The following POLR3F variants were observed in gnomAD, a reference collection of about 807,000 sequenced individuals.
The protein encoded by POLR3F is DNA-directed RNA polymerase III subunit RPC6.
In POLR3F, 31 loss-of-function variants were observed where a neutral mutation model predicts 43.6. That is an observed-to-expected ratio of 0.71 (90% CI 0.53 to 0.96). POLR3F has a LOEUF of 0.96. POLR3F is among the 40% of genes least tolerant of loss of function. The pLI is 0.00. For synonymous variants in POLR3F, 114 were observed against 132.5 expected (o/e 0.86, Z 0.96); for missense variants, 316 against 391.7 (o/e 0.81, Z 1.63).
At position 18,467,496 on chromosome 20, in the gene POLR3F, A is replaced by G. The variant is rs771352541; in HGVS notation, c.-11A>G. ...GCATCTTTCCCCCCAGGCGTCAGGA[A>G]CTGCGCCCTCATGGCGGAGGTGAAG... On this transcript the variant is annotated 5_prime_UTR_variant, in exon 1 of 9. Coordinates refer to ENST00000377603, the MANE Select transcript of POLR3F (RefSeq NM_006466.4). 2 of 1,614,232 alleles carry G rather than the reference A, an allele frequency of 1.2e-6. No homozygotes were observed. Among genetic ancestry groups the G allele is most frequent in the South Asian group, 2.2e-5 (2 of 91,092 alleles).
At position 18,477,698 on chromosome 20, in the gene POLR3F, G is replaced by A. The variant is rs141436653; in HGVS notation, c.430-2340G>A. On this transcript the variant is annotated intron_variant, in intron 5 of 8. Transcript: ENST00000377603. The stretch of plus-strand genomic sequence containing the variant: ...AGCCAGTCCGAAAAGGCTACATACT[G>A]TATGATTACAACTATATGACATACT... 7.8e-3 allele frequency among the ~76,000 whole-genome samples: 1,191 copies of A among 152,314 alleles called. 25 individuals are homozygous for A. The highest frequency in any genetic ancestry group is 0.024 in the Admixed American group (362 of 15,300).
chr20:18,474,297 C>T (rs2059768875), intron 4 of POLR3F, among the ~76,000 whole-genome samples: 1 of 151,960 alleles, frequency 6.6e-6, no homozygotes, highest in Non-Finnish European at 1.5e-5. Context: ...CTCACAAATA[C>T]AATGTTGTAT....
At chr20:18,472,968 G>T in intron 3 of POLR3F, 59 bp downstream of exon 3, 1 of 797,736 alleles carries the variant, frequency 1.3e-6, no homozygotes, top group South Asian at 1.6e-5. Flanking sequence ...CGTATGTGTT[G>T]GGAATAAAGC....
chr20:18,471,479 T>A (rs1043355068), intron 2 of POLR3F, among the ~76,000 whole-genome samples: 8 of 152,168 alleles, frequency 5.3e-5, no homozygotes, highest in African/African-American at 1.9e-4. Flanking sequence ...TGTTTCCCTT[T>A]TAGAATTAAT....
At chr20:18,482,764 C>T (rs2059817248) in intron 8 of POLR3F, among the ~76,000 whole-genome samples, 1 of 152,204 alleles carries the variant, frequency 6.6e-6, no homozygotes, top group Non-Finnish European at 1.5e-5. Flanking sequence ...TTATACCAAC[C>T]TTTGTCTATA....
chr20:18,471,050 T>C (rs1391969366), intron 2 of POLR3F, among the ~76,000 whole-genome samples: 1 of 152,054 alleles, frequency 6.6e-6, no homozygotes, highest in African/African-American at 2.4e-5. Context: ...TGGCCCCTGA[T>C]CTGTCTTAAA....
chr20:18,480,270 G>C (rs1219782972), intron 6 of POLR3F, 89 bp downstream of exon 6: 2 of 1,378,422 alleles, frequency 1.5e-6, no homozygotes, highest in African/African-American at 2.9e-5. Flanking sequence ...TATTTTATAG[G>C]AATTAAAAAC....
intron 4 of POLR3F, 55 bp from the exon 5 acceptor site, chr20:18,475,020 C>A: frequency 1.3e-6 from 1 of 761,310 alleles, no homozygotes; most frequent in Non-Finnish European, 2.3e-6. Flanking sequence ...AGAGGAATAA[C>A]ATTAAAAATC....
chr20:18,467,585 C>G lies in POLR3F; in HGVS notation c.62+17C>G, dbSNP rs778427143. ...AGAAAACAGGTAAACCAGTGAGGCT[C>G]CGGCTTGGCACTCCATCAGGCGCCC... On this transcript the variant is annotated intron_variant, in intron 1 of 8. Coordinates refer to ENST00000377603, the MANE Select transcript of POLR3F (RefSeq NM_006466.4). The G allele has an allele frequency of 6.2e-6, 10 of 1,614,088 alleles. No homozygotes were observed. Among genetic ancestry groups the G allele is most frequent in the Non-Finnish European group, 8.5e-6 (10 of 1,180,026 alleles).
rs371656520 is a variant in POLR3F, at chr20:18,480,408, A to G, written c.580A>G (p.Thr194Ala). Residue 194 changes from threonine (T) to alanine (A), a missense_variant, in exon 7 of 9, where the codon ACA becomes GCA. Physicochemically the swap from Thr to Ala is moderately conservative, Grantham distance 58. Transcript: ENST00000377603. ...TATGTTTCAATCCTTATAGGCAGAA[A>G]CAGCACGAGAAAGCAAACAGAACCC... is the stretch of plus-strand genomic sequence containing the variant. ...CFKFLQSKAETARESKQNPMI... is the reference protein window; with the variant it reads ...CFKFLQSKAEAARESKQNPMI... The G allele has an allele frequency of 1.1e-4, 174 of 1,604,612 alleles. No individual in the cohort carries two copies. Among genetic ancestry groups the G allele is most frequent in the Non-Finnish European group, 1.4e-4 (166 of 1,171,590 alleles).
chr20:18,469,226 A>G, intron 2 of POLR3F, 165 bp downstream of exon 2: 1 of 602,744 alleles, frequency 1.7e-6, no homozygotes, highest in Middle Eastern at 4.4e-4. Context: ...TGTTTCTGAA[A>G]GAGGTTAGCA....
intron 5 of POLR3F, among the ~76,000 whole-genome samples, 168 bp from the exon 6 acceptor site, chr20:18,479,870 A>G (rs562779648): frequency 2.6e-5 from 4 of 152,250 alleles, no homozygotes; most frequent in Non-Finnish European, 4.4e-5. Flanking sequence ...AGTGTACCAC[A>G]CTAATCCAAG....
intron 1 of POLR3F, 60 bp downstream of exon 1, chr20:18,467,628 G>T: frequency 6.2e-7 from 1 of 1,612,350 alleles, no homozygotes; most frequent in South Asian, 1.1e-5. Context: ...TGGGCAGCTG[G>T]ACCCCTTCTC....
At chr20:18,477,168 A>G (rs1359095947) in intron 5 of POLR3F, among the ~76,000 whole-genome samples, 1 of 152,178 alleles carries the variant, frequency 6.6e-6, no homozygotes, top group African/African-American at 2.4e-5. Context: ...AGACATACAG[A>G]TGGCAGATAA....
chr20:18,481,554 T>C, intron 7 of POLR3F, 65 bp from the exon 8 acceptor site: 3 of 1,135,834 alleles, frequency 2.6e-6, no homozygotes, highest in South Asian at 2.6e-5. Context: ...TTACTGTTTT[T>C]AACACCCTCC....
chr20:18,478,028 C>A (rs1355656511), intron 5 of POLR3F, among the ~76,000 whole-genome samples: 5 of 152,110 alleles, frequency 3.3e-5, no homozygotes, highest in Admixed American at 3.3e-4. Flanking sequence ...TCTAATCATG[C>A]GGTTGGTCTT....
At position 18,480,386 on chromosome 20, in the gene POLR3F, G is replaced by A; in HGVS notation, c.574-16G>A. 1.9e-6 allele frequency: 3 copies of A among 1,545,702 alleles called. No individual in the cohort carries two copies. The highest frequency in any genetic ancestry group is 2.7e-6 in the Non-Finnish European group (3 of 1,118,776). Reference sequence around the variant, plus strand: ...CAATATTCTTATTTACATTTCTTATGTTTCAATCCTTATAGGCAGAAACAG... The same window carrying A: ...CAATATTCTTATTTACATTTCTTATATTTCAATCCTTATAGGCAGAAACAG... On this transcript the variant is annotated splice_polypyrimidine_tract_variant and intron_variant, in intron 6 of 8. Transcript: ENST00000377603.
rs538418910 is a variant in POLR3F at position 18,472,844 on chromosome 20, T to C, written c.183T>C (p.Gly61=). ...TTTTCTACTGTCTTAAAAACTAGGG[T>C]CAGTTGGATCTCTTAAGGAGCAATA... ...AVAINRLLSM[G]QLDLLRSNTG... is the part of the protein sequence containing the mutation. The change falls in exon 3 of 9, where the codon GGT becomes GGC. Residue 61 remains glycine, a splice_region_variant and synonymous_variant. Coordinates refer to ENST00000377603, the MANE Select transcript of POLR3F (RefSeq NM_006466.4). 34 of 1,406,672 alleles carry C rather than the reference T, an allele frequency of 2.4e-5. No individual in the cohort carries two copies. In the South Asian group the frequency reaches 4.1e-4, roughly 17 times the overall value. 87.1% of individuals were successfully genotyped at this position (1,406,672 alleles called of 1,614,324 possible).
intron 4 of POLR3F, among the ~76,000 whole-genome samples, chr20:18,474,396 G>A (rs2059769445): frequency 6.6e-6 from 1 of 151,960 alleles, no homozygotes; most frequent in African/African-American, 2.4e-5. Context: ...CCAAATTTAA[G>A]TTTGTATTTC....
Sources: gnomAD v4.1 joint callset for allele counts (sites outside exome capture counted in the v4.1 genomes callset) on GRCh38, gnomAD v4.1.1 for gene constraint, MANE v1.5 for transcripts, NCBI Gene and HGNC (gene_info 2026-07-23, HGNC 2026-07-21) for gene names.